The following PTPN5 variants were observed in gnomAD, a reference collection of about 807,000 sequenced individuals.
PTPN5 encodes the protein protein tyrosine phosphatase non-receptor type 5, also known as tyrosine-protein phosphatase non-receptor type 5.
A neutral mutation model predicts 73.9 loss-of-function variants in PTPN5; 29 were observed. That is an observed-to-expected ratio of 0.39 (90% confidence interval 0.29 to 0.54). PTPN5 has a LOEUF of 0.54. PTPN5 is among the 20% of genes least tolerant of loss of function. The pLI is 0.65. For synonymous variants in PTPN5, 267 were observed against 304.7 expected (o/e 0.88, Z 1.29); for missense variants, 652 against 751.4 (o/e 0.87, Z 1.55).
intron 1 of PTPN5, among the ~76,000 whole-genome samples, chr11:18,781,109 C>G (rs1313228982): frequency 6.6e-6 from 1 of 152,118 alleles, no homozygotes; most frequent in Non-Finnish European, 1.5e-5. Flanking sequence ...CTCCTCCAGG[C>G]AGCCTTCTGA....
chr11:18,737,165 G>A (rs926013845), intron 9 of PTPN5, among the ~76,000 whole-genome samples: 1 of 152,192 alleles, frequency 6.6e-6, no homozygotes, highest in Non-Finnish European at 1.5e-5. Context: ...TCAGAACTTG[G>A]CGAGGGTGGC....
At chr11:18,766,527 G>A (rs1362977825) in intron 2 of PTPN5, among the ~76,000 whole-genome samples, 4 of 152,190 alleles carry the variant, frequency 2.6e-5, no homozygotes, top group Non-Finnish European at 5.9e-5. Context: ...TTACATACAT[G>A]TTTTGTATAG....
chr11:18,765,190 C>CT (rs1850586817), intron 3 of PTPN5, among the ~76,000 whole-genome samples: 1 of 152,088 alleles, frequency 6.6e-6, no homozygotes, highest in South Asian at 2.1e-4. Context: ...ATGTAAAACT[C>CT]TCCCCCCACC....
intron 3 of PTPN5, among the ~76,000 whole-genome samples, chr11:18,748,059 C>T (rs2134243086): frequency 6.6e-6 from 1 of 152,240 alleles, no homozygotes; most frequent in East Asian, 1.9e-4. Flanking sequence ...GACACATGCA[C>T]ACATGTATTT....
chr11:18,755,623 T>A (rs1006921673), intron 3 of PTPN5, among the ~76,000 whole-genome samples: 1 of 152,080 alleles, frequency 6.6e-6, no homozygotes, highest in Non-Finnish European at 1.5e-5. Flanking sequence ...GGTAGAGGAC[T>A]GATGCACAAT....
rs150270463 is a variant in PTPN5, at chr11:18,770,522, G to A, written c.20+1417C>T. Among the ~76,000 whole-genome samples the A allele has an allele frequency of 2.1e-3, 319 of 152,296 alleles. 1 individual carries two copies. The highest frequency in any genetic ancestry group is 7.2e-3 in the African/African-American group (299 of 41,564). ...AATAATATTCTACTGTAGGACAGACGATGTTTTATTTATCTATTCATCAGT... is the reference window on the plus strand; with the variant it reads ...AATAATATTCTACTGTAGGACAGACAATGTTTTATTTATCTATTCATCAGT... On this transcript the variant is annotated intron_variant, in intron 2 of 14. Coordinates refer to ENST00000358540, the MANE Select transcript of PTPN5 (RefSeq NM_006906.2).
chr11:18,766,333 T>C (rs1183631541), intron 2 of PTPN5, among the ~76,000 whole-genome samples: 1 of 152,192 alleles, frequency 6.6e-6, no homozygotes, highest in East Asian at 1.9e-4. Context: ...TCCAGGCTCA[T>C]GCTCTCGCTG....
At chr11:18,745,452 C>T (rs751522619) in intron 3 of PTPN5, among the ~76,000 whole-genome samples, 12 of 152,218 alleles carry the variant, frequency 7.9e-5, no homozygotes, top group Non-Finnish European at 1.6e-4. Flanking sequence ...TTCAGCTTCA[C>T]TCCTTGCAGT....
At position 18,771,971 on chromosome 11, in the gene PTPN5, T is replaced by C; in HGVS notation, c.-13A>G. 2 of 1,567,064 alleles carry C rather than the reference T, an allele frequency of 1.3e-6. No homozygotes were observed. The highest frequency in any genetic ancestry group is 1.7e-6 in the Non-Finnish European group (2 of 1,163,658). ...CCTCATAATTCATTCCCAAGGTGTC[T>C]GGATGGGGAAGGGTGCCATCTTCCA... On this transcript the variant is annotated 5_prime_UTR_variant, in exon 2 of 15. Transcript: ENST00000358540.
In PTPN5 at chr11:18,742,923, G is replaced by T; in HGVS notation, c.483+69C>A. 1.9e-6 allele frequency: 2 copies of T among 1,033,000 alleles called. No homozygotes were observed. Among genetic ancestry groups the T allele is most frequent in the Non-Finnish European group, 3.0e-6 (2 of 676,330 alleles). 64.0% of individuals were successfully genotyped at this position (1,033,000 alleles called of 1,614,324 possible). On this transcript the variant is annotated intron_variant, in intron 6 of 14. Transcript: ENST00000358540. The surrounding 1 kb of genome is among the most constrained non-coding windows in gnomAD (Gnocchi z 4.1). ...TGTCCAGCCTATAAGTCAGATGGGA[G>T]CTGGTAGAAATCCAGGCCTCAAGGT...
intron 1 of PTPN5, among the ~76,000 whole-genome samples, chr11:18,789,110 C>G (rs1417632519): frequency 6.6e-6 from 1 of 152,074 alleles, no homozygotes; most frequent in Non-Finnish European, 1.5e-5. Context: ...CTTAAGAATC[C>G]CATGTCCTTG....
At chr11:18,771,916 G>A (rs1333842458) in intron 2 of PTPN5, 23 bp downstream of exon 2, 2 of 1,598,406 alleles carry the variant, frequency 1.3e-6, no homozygotes, top group East Asian at 2.3e-5. Context: ...GGTTGCAGGG[G>A]GACGGCGTAA....
chr11:18,772,861 G>A (rs1850968682), intron 1 of PTPN5, among the ~76,000 whole-genome samples: 1 of 152,206 alleles, frequency 6.6e-6, no homozygotes, highest in South Asian at 2.1e-4. Context: ...GGTGACCCGT[G>A]TGCGGGGAGA....
chr11:18,732,628 G>T lies in PTPN5; in HGVS notation c.1293C>A (p.His431Gln), dbSNP rs758529043. The T allele has an allele frequency of 1.9e-6, 3 of 1,613,808 alleles. No homozygotes were observed. Among genetic ancestry groups the T allele is most frequent in the Non-Finnish European group, 2.5e-6 (3 of 1,180,006 alleles). The change falls in exon 12 of 15, where the codon CAC becomes CAA. Residue 431 changes from histidine (H) to glutamine (Q), a missense_variant. Physicochemically the swap from His to Gln is conservative, Grantham distance 24. This residue lies in a region of PTPN5 where 529 missense variants were observed against 573.9 expected (regional missense o/e 0.92). Transcript: ENST00000358540. ...GVEITVQKVI[H>Q]TEDYRLRLIS... The stretch of plus-strand genomic sequence containing the variant: ...TGAGTCGCAGCCGGTAATCCTCCGT[G>T]TGAATGACTTTCTGCACAGTGATCT...
In PTPN5 at chr11:18,743,308, C is replaced by T. The variant is rs189908749; in HGVS notation, c.399+14G>A. The T allele has an allele frequency of 1.9e-4, 301 of 1,613,526 alleles. 2 individuals are homozygous for T. The African/African-American group carries it at 3.7e-3, about 20-fold the overall frequency. ...AGATCCCTGCTACCCTAGGACTCCC[C>T]AAAGCTTACTTACCGTGGGTTCCAG... is the stretch of plus-strand genomic sequence containing the variant. On this transcript the variant is annotated intron_variant, in intron 5 of 14. Coordinates refer to ENST00000358540, the MANE Select transcript of PTPN5 (RefSeq NM_006906.2).
intron 3 of PTPN5, among the ~76,000 whole-genome samples, chr11:18,763,137 A>C (rs1850474940): frequency 6.6e-6 from 1 of 152,202 alleles, no homozygotes; most frequent in South Asian, 2.1e-4. Context: ...GCATCGTGGG[A>C]GTCTAGAGGG....
chr11:18,777,987 AAAGAAAGGAAGGAAGGAAGGAAGG>A (rs1851246209), intron 1 of PTPN5, among the ~76,000 whole-genome samples: 9 of 113,386 alleles, frequency 7.9e-5, no homozygotes. Context: ...AGAAAGAAAG[AAAGAAAGGAAGGAAGGAAGGAAGG>A]AAGGAAGGAA....
chr11:18,791,760 G>A lies in PTPN5; in HGVS notation c.-349C>T, dbSNP rs1235981415. The A allele has an allele frequency of 6.6e-6, 1 of 151,734 alleles. No individual in the cohort carries two copies. The highest frequency in any genetic ancestry group is 1.5e-5 in the Non-Finnish European group (1 of 67,966). 9.4% of individuals were successfully genotyped at this position (151,734 alleles called of 1,614,324 possible). On this transcript the variant is annotated 5_prime_UTR_variant, in exon 1 of 15. Coordinates refer to ENST00000358540, the MANE Select transcript of PTPN5 (RefSeq NM_006906.2). Reference sequence around the variant, plus strand: ...TCCCGCGCTCCGTGCGCGCTCCCTCGCCCGACCGCCTCACCAAATGCGCTT... The same window carrying A: ...TCCCGCGCTCCGTGCGCGCTCCCTCACCCGACCGCCTCACCAAATGCGCTT...
At chr11:18,749,531 C>T (rs781005957) in intron 3 of PTPN5, 22 of 518,184 alleles carry the variant, frequency 4.2e-5, no homozygotes, top group Middle Eastern at 3.3e-4. Flanking sequence ...ATGGGGGCCA[C>T]GGTGCAGATT....
Sources: gnomAD v4.1 joint callset for allele counts (sites outside exome capture counted in the v4.1 genomes callset) on GRCh38, gnomAD v4.1.1 for gene constraint, gnomAD v4.1.1 regional missense constraint, Gnocchi (gnomAD v3.1) non-coding constraint, MANE v1.5 for transcripts, NCBI Gene and HGNC (gene_info 2026-07-23, HGNC 2026-07-21) for gene names.